Variants in EHMT2 observed in about 807,000 individuals in gnomAD.
EHMT2 encodes histone-lysine N-methyltransferase EHMT2.
Under a neutral mutation model 143.3 loss-of-function variants are expected in EHMT2, and 59 were observed. That is an observed-to-expected ratio of 0.41 (90% CI 0.33 to 0.51). The LOEUF (loss-of-function observed/expected upper bound fraction) is 0.51. Ranked by LOEUF, EHMT2 falls within the 20% of genes least tolerant of loss-of-function variation. EHMT2 has a pLI of 0.18. For missense variants in EHMT2, 1,174 were observed against 1,645.9 expected (o/e 0.71, Z 4.96); for synonymous variants, 604 against 651.5 (o/e 0.93, Z 1.11).
At chr6:31,886,280 G>A (rs1429667847) in intron 18 of EHMT2, 1 of 429,550 alleles carries the variant, frequency 2.3e-6, no homozygotes. Flanking sequence ...TTCAAAGACT[G>A]AGAAGAATGC....
rs201207803 is a variant in EHMT2, at chr6:31,880,762, G to C, written c.3363C>G (p.Pro1121=). 9 of 1,613,980 alleles carry C rather than the reference G, an allele frequency of 5.6e-6. No individual in the cohort carries two copies. Among genetic ancestry groups the C allele is most frequent in the Non-Finnish European group, 7.6e-6 (9 of 1,180,040 alleles). The change falls in exon 27 of 28, where the codon CCC becomes CCG. Residue 1121 remains proline, a synonymous_variant. Coordinates refer to ENST00000375537, the Ensembl canonical transcript of EHMT2. The surrounding 1 kb of genome is among the most constrained non-coding windows in gnomAD (Gnocchi z 6.6). ...CTTGGTGCAGCATGAAGACCCGGAC[G>C]GGAATGATGTTGGGGTCACACAGGT...
intron 7 of EHMT2, 105 bp downstream of exon 7, chr6:31,892,302 G>A: frequency 3.8e-6 from 5 of 1,329,846 alleles, no homozygotes; most frequent in Non-Finnish European, 5.2e-6. Context: ...ATATTCAGAA[G>A]ATAAAAAGGA....
In EHMT2 at chr6:31,881,008, G is replaced by A; in HGVS notation, c.3276+6C>T. 3 of 1,612,572 alleles carry A rather than the reference G, an allele frequency of 1.9e-6. No individual in the cohort carries two copies. In the South Asian group the frequency reaches 3.3e-5, roughly 18 times the overall value. On this transcript the variant is annotated splice_donor_region_variant and intron_variant, in intron 26 of 27. Transcript: ENST00000375537. This position sits in a 1 kb window ranked among gnomAD's most constrained non-coding sequence, Gnocchi z 4.8. The stretch of plus-strand genomic sequence containing the variant: ...AGCAGCAGGGTAAGGAGGGTCTCCT[G>A]CTCACCTTGTTGTCTAAGTCGAAGA...
exon 28 of EHMT2, chr6:31,879,990 C>A: frequency 7.2e-7 from 1 of 1,392,582 alleles, no homozygotes; most frequent in Non-Finnish European, 9.9e-7. Context: ...GAGAAGATGG[C>A]AGCACCCCCA....
chr6:31,883,045 G>T lies in EHMT2; in HGVS notation c.2995-36C>A, dbSNP rs372847061. On this transcript the variant is annotated intron_variant, in intron 23 of 27. Transcript: ENST00000375537. This position sits in a 1 kb window ranked among gnomAD's most constrained non-coding sequence, Gnocchi z 5.6. ...GAGGGGAGGATAGTGGTTTCTCTGT[G>T]GGGCCCACCTCAGCTGCCCACCCAG... 1 of 1,585,528 alleles carries T rather than the reference G, an allele frequency of 6.3e-7. No homozygotes were observed. The highest frequency in any genetic ancestry group is 1.3e-5 in the African/African-American group (1 of 74,380).
Position 31,884,002 on chromosome 6 carries a change from C to T in EHMT2, c.2772-52G>A. Reference sequence around the variant, plus strand: ...GGAAGCTGGAAAAGGGGGTGAGGAGCTACTCCAGGTATAAGGAAGAGAGTT... The same window carrying T: ...GGAAGCTGGAAAAGGGGGTGAGGAGTTACTCCAGGTATAAGGAAGAGAGTT... On this transcript the variant is annotated intron_variant, in intron 21 of 27. Transcript: ENST00000375537. This position sits in a 1 kb window ranked among gnomAD's most constrained non-coding sequence, Gnocchi z 7.3. 3 of 1,595,784 alleles carry T rather than the reference C, an allele frequency of 1.9e-6. No homozygotes were observed. The highest frequency in any genetic ancestry group is 2.6e-6 in the Non-Finnish European group (3 of 1,169,854).
intron 4 of EHMT2, among the ~76,000 whole-genome samples, chr6:31,894,873 G>T (rs542384399): frequency 6.6e-6 from 1 of 151,446 alleles, no homozygotes; most frequent in Non-Finnish European, 1.5e-5. Flanking sequence ...GGCTGGTCTC[G>T]AACTCCTGAC....
chr6:31,882,782 C>T, exon 25 of EHMT2: 2 of 1,612,450 alleles, frequency 1.2e-6, no homozygotes, highest in Non-Finnish European at 1.7e-6. Flanking sequence ...GCTGTAGCCG[C>T]ACCCTGGGGG....
intron 7 of EHMT2, among the ~76,000 whole-genome samples, chr6:31,891,506 T>C (rs1264093161): frequency 1.3e-5 from 2 of 152,138 alleles, no homozygotes; most frequent in Non-Finnish European, 2.9e-5. Flanking sequence ...ACCTAGTAGG[T>C]GTGTGTGCTG....
chr6:31,892,949 A>AC (rs1765902362), intron 4 of EHMT2, 39 bp from the exon 5 acceptor site: 1 of 1,457,572 alleles, frequency 6.9e-7, no homozygotes, highest in South Asian at 1.4e-5. Flanking sequence ...GTCAGAGAGC[A>AC]CCTACAGTTT....
chr6:31,897,522 A>G, intron 1 of EHMT2, 114 bp downstream of exon 1: 1 of 747,252 alleles, frequency 1.3e-6, no homozygotes, highest in South Asian at 6.1e-5. Context: ...GGATTGCTGC[A>G]AGTCCCGCCC....
rs369757700 is a variant in EHMT2, at chr6:31,881,415, G to C, written c.3198-323C>G. 10 of 473,180 alleles carry C rather than the reference G, an allele frequency of 2.1e-5. No individual in the cohort carries two copies. The highest frequency in any genetic ancestry group is 2.0e-4 in the African/African-American group (10 of 51,120). 29.3% of individuals were successfully genotyped at this position (473,180 alleles called of 1,614,324 possible). ...TTCCAGGAGCCACCCGGCAGGAATGGGCGATATGGAACAGGAGAGGGGCCA... is the reference window on the plus strand; with the variant it reads ...TTCCAGGAGCCACCCGGCAGGAATGCGCGATATGGAACAGGAGAGGGGCCA... On this transcript the variant is annotated intron_variant, in intron 25 of 27. Coordinates refer to ENST00000375537, the Ensembl canonical transcript of EHMT2. The surrounding 1 kb of genome is among the most constrained non-coding windows in gnomAD (Gnocchi z 4.8).
In EHMT2 at chr6:31,884,549, A is replaced by C; in HGVS notation, c.2614T>G (p.Ser872Ala). The C allele has an allele frequency of 1.2e-6, 2 of 1,612,802 alleles. No individual in the cohort carries two copies. Among genetic ancestry groups the C allele is most frequent in the Non-Finnish European group, 8.5e-7 (1 of 1,179,968 alleles). ...CGCAGCTCAGGGTTGGCCCCACGTG[A>C]CAGGAATAACCTGAAGAGGGGACAG... The change falls in exon 21 of 28, where the codon TCA (serine) becomes GCA (alanine). Residue 872 changes from serine to alanine, a missense_variant. Ser to Ala is a moderately conservative substitution (Grantham distance 99). Coordinates refer to ENST00000375537, the Ensembl canonical transcript of EHMT2. The surrounding 1 kb of genome is among the most constrained non-coding windows in gnomAD (Gnocchi z 7.3).
intron 4 of EHMT2, 61 bp from the exon 5 acceptor site, chr6:31,892,971 G>T: frequency 8.3e-7 from 1 of 1,204,114 alleles, no homozygotes; most frequent in Non-Finnish European, 1.2e-6. Context: ...GCCTGGGTTA[G>T]CCTGGAGCCC....
At position 31,880,764 on chromosome 6, in the gene EHMT2, G is replaced by A. The variant is rs1764007886; in HGVS notation, c.3361C>T (p.Pro1121Ser). The A allele has an allele frequency of 6.2e-7, 1 of 1,613,854 alleles. No homozygotes were observed. Among genetic ancestry groups the A allele is most frequent in the Admixed American group, 1.7e-5 (1 of 59,996 alleles). The change falls in exon 27 of 28, where the codon CCC becomes TCC. Residue 1121 changes from proline (P) to serine (S), a missense_variant. Pro to Ser is a moderately conservative substitution (Grantham distance 74). Transcript: ENST00000375537. The surrounding 1 kb of genome is among the most constrained non-coding windows in gnomAD (Gnocchi z 6.6). Reference sequence around the variant, plus strand: ...TGGTGCAGCATGAAGACCCGGACGGGAATGATGTTGGGGTCACACAGGTGG... The same window carrying A: ...TGGTGCAGCATGAAGACCCGGACGGAAATGATGTTGGGGTCACACAGGTGG...
At position 31,883,798 on chromosome 6, in the gene EHMT2, C is replaced by T. The variant is rs751431762; in HGVS notation, c.2916+8G>A. 1.1e-5 allele frequency: 17 copies of T among 1,613,380 alleles called. No individual in the cohort carries two copies. The highest frequency in any genetic ancestry group is 1.4e-5 in the Non-Finnish European group (17 of 1,179,690). ...TCCTTTTGGGGAGGCCCCGGGCCCC[C>T]TACTCACCTGCAGGTGGGTGATGTT... On this transcript the variant is annotated splice_region_variant and intron_variant, in intron 22 of 27. Transcript: ENST00000375537. This position sits in a 1 kb window ranked among gnomAD's most constrained non-coding sequence, Gnocchi z 5.6.
chr6:31,882,819 G>A, intron 24 of EHMT2, 34 bp from the exon 25 acceptor site: 2 of 1,611,866 alleles, frequency 1.2e-6, no homozygotes, highest in Non-Finnish European at 1.7e-6. Flanking sequence ...GTTGGGTGGA[G>A]GCCCTGGAAA....
chr6:31,888,447 C>T lies in EHMT2; in HGVS notation c.1425G>A (p.Val475=). Residue 475 remains valine (V), a synonymous_variant, in exon 12 of 28, where the codon GTG becomes GTA. Transcript: ENST00000375537. This position sits in a 1 kb window ranked among gnomAD's most constrained non-coding sequence, Gnocchi z 7.4. ...GGGTCTCACAGAGCACCATCAGGGC[C>T]ACACGGCTGGATGGCCTCATGGTCT... is the stretch of plus-strand genomic sequence containing the variant. 6.2e-7 allele frequency: 1 copy of T among 1,612,988 alleles called. No individual in the cohort carries two copies.
rs576532890 is a variant in EHMT2 at position 31,889,146 on chromosome 6, C to A, written c.1115-76G>T. The A allele has an allele frequency of 1.9e-6, 3 of 1,540,724 alleles. No homozygotes were observed. The highest frequency in any genetic ancestry group is 2.3e-5 in the South Asian group (2 of 85,782). Reference sequence around the variant, plus strand: ...GCGTGGGTACATGCAGGTGGACATGCGAGAGCGTGTGTGTGCGTGCACACA... The same window carrying A: ...GCGTGGGTACATGCAGGTGGACATGAGAGAGCGTGTGTGTGCGTGCACACA... On this transcript the variant is annotated intron_variant, in intron 9 of 27. Coordinates refer to ENST00000375537, the Ensembl canonical transcript of EHMT2. The surrounding 1 kb of genome is among the most constrained non-coding windows in gnomAD (Gnocchi z 5.1).
Sources: allele counts gnomAD v4.1 joint callset (sites outside exome capture counted in the v4.1 genomes callset), GRCh38; gene constraint gnomAD v4.1.1; non-coding constraint Gnocchi (gnomAD v3.1); transcripts MANE v1.5; gene names NCBI Gene and HGNC (gene_info 2026-07-23, HGNC 2026-07-21).